Variants in ACYP2 observed in about 807,000 individuals in gnomAD.
The protein encoded by ACYP2 is acylphosphatase-2.
In ACYP2, 12 loss-of-function variants were observed where a neutral mutation model predicts 11.2. That is an observed-to-expected ratio of 1.08 (90% CI 0.69 to 1.74). The LOEUF is 1.74. Among genes scored for constraint, ACYP2 ranks in the 40% most tolerant of loss-of-function variants. The pLI, the probability that ACYP2 is intolerant of heterozygous loss-of-function variation, is 0.00. For synonymous variants in ACYP2, 43 were observed against 32.2 expected (o/e 1.33, Z -1.13); for missense variants, 134 against 101.9 (o/e 1.31, Z -1.35).
intron 6 of ACYP2, among the ~76,000 whole-genome samples, chr2:54,170,792 T>C (rs1260350489): frequency 6.6e-6 from 1 of 152,154 alleles, no homozygotes; most frequent in Non-Finnish European, 1.5e-5. Flanking sequence ...CTTGACCTTA[T>C]CTGAAGGCCT....
In ACYP2 at chr2:53,973,788, C is replaced by G. The variant is rs896374544; in HGVS notation, c.40C>G (p.Arg14Gly). 2 of 342,216 alleles carry G rather than the reference C, an allele frequency of 5.8e-6. No homozygotes were observed. The highest frequency in any genetic ancestry group is 4.7e-5 in the Admixed American group (1 of 21,168). The allele number at this position is 342,216 out of a possible 1,614,324, so 21.2% of individuals were successfully genotyped here. ...AAGCCTGTTTGGTGGTCTCTTCCCA[C>G]GGACGCGCGAGACAATGAGGAGGTA... The change falls in exon 2 of 7, where the codon CGG becomes GGG. Residue 14 changes from arginine (R) to glycine (G), a missense_variant. Coordinates refer to ENST00000607452, the MANE Select transcript of ACYP2 (RefSeq NM_001320586.2).
intron 2 of ACYP2, among the ~76,000 whole-genome samples, chr2:54,027,332 CCCT>C (rs1424853432): frequency 6.6e-6 from 1 of 152,088 alleles, no homozygotes; most frequent in Non-Finnish European, 1.5e-5. Context: ...CTGGCCTTTT[CCCT>C]CCTTTTCCCC....
chr2:54,023,965 C>T (rs1385488146), intron 2 of ACYP2, among the ~76,000 whole-genome samples: 1 of 152,108 alleles, frequency 6.6e-6, no homozygotes, highest in Non-Finnish European at 1.5e-5. Flanking sequence ...CACACTAAAA[C>T]CCAAACCAGG....
At chr2:54,009,383 A>T (rs1410478897) in intron 2 of ACYP2, among the ~76,000 whole-genome samples, 1 of 151,688 alleles carries the variant, frequency 6.6e-6, no homozygotes, top group Non-Finnish European at 1.5e-5. Context: ...ACATGATGAA[A>T]CCCTGTCTCT....
In ACYP2 at chr2:54,001,007, C is replaced by T. The variant is rs547520800; in HGVS notation, c.62+27197C>T. Among the ~76,000 whole-genome samples, 11 of 152,302 alleles carry T rather than the reference C, an allele frequency of 7.2e-5. 1 individual carries two copies. In the South Asian group the frequency reaches 1.4e-3, roughly 20 times the overall value. Reference sequence around the variant, plus strand: ...CTTTCAACTATAGCATAGCTTAAACCAATGTTCCCCAAACTAGTAGGATCA... The same window carrying T: ...CTTTCAACTATAGCATAGCTTAAACTAATGTTCCCCAAACTAGTAGGATCA... On this transcript the variant is annotated intron_variant, in intron 2 of 6. Transcript: ENST00000607452.
intron 4 of ACYP2, chr2:54,115,631 T>C: frequency 6.4e-7 from 1 of 1,572,922 alleles, no homozygotes; most frequent in East Asian, 2.3e-5. Flanking sequence ...CCCCTCCCTC[T>C]CGCAGCCGCC....
At chr2:54,277,378 A>G (rs1161760701) in intron 6 of ACYP2, among the ~76,000 whole-genome samples, 1 of 152,164 alleles carries the variant, frequency 6.6e-6, no homozygotes, top group African/African-American at 2.4e-5. Context: ...TAATATGCCT[A>G]TTAAGAAATT....
chr2:54,179,009 G>A (rs965552367), intron 6 of ACYP2, among the ~76,000 whole-genome samples: 5 of 152,274 alleles, frequency 3.3e-5, no homozygotes, highest in South Asian at 2.1e-4. Context: ...AGCAGATTCA[G>A]TGTCTGGTTG....
chr2:54,202,352 C>A (rs893396808), intron 6 of ACYP2, among the ~76,000 whole-genome samples: 3 of 149,064 alleles, frequency 2.0e-5, no homozygotes, highest in African/African-American at 7.4e-5. Flanking sequence ...GGTGATCTAC[C>A]TGCCTCGGCC....
At chr2:54,203,206 ATATT>A (rs142352613) in intron 6 of ACYP2, among the ~76,000 whole-genome samples, 35,496 of 151,872 alleles carry the variant, frequency 0.23, 4,276 homozygotes, top group East Asian at 0.39. Context: ...TTATTCCTAA[ATATT>A]TATTCTTCTT....
At chr2:54,225,694 G>T (rs1177917254) in intron 6 of ACYP2, among the ~76,000 whole-genome samples, 1 of 152,164 alleles carries the variant, frequency 6.6e-6, no homozygotes, top group South Asian at 2.1e-4. Flanking sequence ...GGAAATAAGT[G>T]TATAATATAT....
In ACYP2 at chr2:54,078,893, C is replaced by T. The variant is rs554461845; in HGVS notation, c.277+21533C>T. ...GACTACAGGCATGAGCCACCATGCCCGGCCTCAATAAGCTTTTTAACTTAT... is the reference window on the plus strand; with the variant it reads ...GACTACAGGCATGAGCCACCATGCCTGGCCTCAATAAGCTTTTTAACTTAT... On this transcript the variant is annotated intron_variant, in intron 4 of 6. Coordinates refer to ENST00000607452, the MANE Select transcript of ACYP2 (RefSeq NM_001320586.2). Among the ~76,000 whole-genome samples the T allele has an allele frequency of 9.2e-5, 14 of 152,240 alleles. No individual in the cohort carries two copies. The South Asian group carries it at 2.7e-3, about 29-fold the overall frequency.
At chr2:54,027,203 G>T (rs1215291836) in intron 2 of ACYP2, among the ~76,000 whole-genome samples, 2 of 152,166 alleles carry the variant, frequency 1.3e-5, no homozygotes, top group Admixed American at 1.3e-4. Context: ...AGCAGAAGCA[G>T]GAGGGTCTCT....
intron 4 of ACYP2, among the ~76,000 whole-genome samples, chr2:54,106,592 A>T (rs17039547): frequency 2.0e-5 from 3 of 150,832 alleles, no homozygotes; most frequent in Admixed American, 2.0e-4. Flanking sequence ...TTACCAGACA[A>T]ATTTTTGAGA....
chr2:54,289,530 A>G (rs1046170024), intron 6 of ACYP2, among the ~76,000 whole-genome samples: 1 of 152,100 alleles, frequency 6.6e-6, no homozygotes, highest in East Asian at 1.9e-4. Flanking sequence ...ATTTTGTTCT[A>G]TATTTTTGTT....
At chr2:54,157,986 A>G (rs59397800) in intron 6 of ACYP2, among the ~76,000 whole-genome samples, 24,274 of 152,032 alleles carry the variant, frequency 0.16, 2,122 homozygotes, top group East Asian at 0.25. Flanking sequence ...CAACAGGAAA[A>G]CCAACTAAAA....
At chr2:54,070,810 C>T (rs1259574271) in intron 4 of ACYP2, among the ~76,000 whole-genome samples, 3 of 150,088 alleles carry the variant, frequency 2.0e-5, no homozygotes, top group Non-Finnish European at 2.9e-5. Flanking sequence ...GATTATGGCT[C>T]ACTGCAGTCT....
chr2:54,233,416 C>G (rs974729939), intron 6 of ACYP2, among the ~76,000 whole-genome samples: 1 of 151,410 alleles, frequency 6.6e-6, no homozygotes, highest in Non-Finnish European at 1.5e-5. Context: ...CCAGCTTTAG[C>G]CTCCTATGTA....
chr2:54,028,303 T>A (rs992686488), intron 2 of ACYP2, among the ~76,000 whole-genome samples: 1 of 152,168 alleles, frequency 6.6e-6, no homozygotes, highest in Non-Finnish European at 1.5e-5. Flanking sequence ...TTAGACTGGG[T>A]TTATGGGTTA....
Sources: gnomAD v4.1 joint callset for allele counts (sites outside exome capture counted in the v4.1 genomes callset) on GRCh38, gnomAD v4.1.1 for gene constraint, MANE v1.5 for transcripts, NCBI Gene and HGNC (gene_info 2026-07-23, HGNC 2026-07-21) for gene names.